LRCH3: variants seen among roughly 807,000 people sequenced by gnomAD.
LRCH3 encodes DISP complex protein LRCH3.
A neutral mutation model predicts 104.5 loss-of-function variants in LRCH3; 68 were observed. The ratio of observed to expected loss-of-function variants is 0.65; its 90% confidence interval spans 0.54 to 0.80. The LOEUF (loss-of-function observed/expected upper bound fraction) is 0.80. Ranked by LOEUF, LRCH3 falls within the 30% of genes least tolerant of loss-of-function variation. The pLI, the probability that LRCH3 is intolerant of heterozygous loss-of-function variation, is 0.00. For synonymous variants in LRCH3, 344 were observed against 361.3 expected (o/e 0.95, Z 0.54); for missense variants, 951 against 953.9 (o/e 1.00, Z 0.04).
chr3:197,828,680 A>T (rs1290856880), intron 5 of LRCH3, among the ~76,000 whole-genome samples: 1 of 131,216 alleles, frequency 7.6e-6, no homozygotes, highest in Non-Finnish European at 1.6e-5. Flanking sequence ...TTTATTGACG[A>T]TTTTGTACAA....
intron 1 of LRCH3, among the ~76,000 whole-genome samples, chr3:197,812,528 T>TTTTTTTTTTTTTTTTG (rs1733284471): frequency 1.4e-5 from 2 of 144,512 alleles, no homozygotes; most frequent in Non-Finnish European, 1.5e-5. Context: ...TTTTTTTTTT[T>TTTTTTTTTTTTTTTTG]TTAGGTGGAG....
At chr3:197,872,360 G>GAAA (rs56254857) in intron 19 of LRCH3, among the ~76,000 whole-genome samples, 1 of 105,388 alleles carries the variant, frequency 9.5e-6, no homozygotes, top group Non-Finnish European at 1.9e-5. Context: ...CTGTCTCAAA[G>GAAA]AAAAAAAAAA....
chr3:197,869,731 G>A (rs1302567904), intron 17 of LRCH3, among the ~76,000 whole-genome samples: 1 of 115,458 alleles, frequency 8.7e-6, no homozygotes, highest in African/African-American at 3.9e-5. Flanking sequence ...GGTAGAAAGC[G>A]ATGCACTGTA....
chr3:197,866,994 G>C (rs756841125), intron 17 of LRCH3, among the ~76,000 whole-genome samples: 2 of 152,114 alleles, frequency 1.3e-5, no homozygotes, highest in African/African-American at 2.4e-5. Flanking sequence ...ACAAAAAATG[G>C]CTGGGCACGG....
At chr3:197,798,811 G>A (rs533829251) in intron 1 of LRCH3, among the ~76,000 whole-genome samples, 6 of 152,302 alleles carry the variant, frequency 3.9e-5, no homozygotes, top group Admixed American at 3.3e-4. Context: ...TAGTATGGTA[G>A]CAACTAGCCG....
Position 197,819,454 on chromosome 3 carries a change from G to T in LRCH3, c.535-871G>T, listed in dbSNP as rs1055965476. Among the ~76,000 whole-genome samples the T allele has an allele frequency of 2.6e-5, 4 of 151,704 alleles. No homozygotes were observed. In the East Asian group the frequency reaches 7.8e-4, roughly 30 times the overall value. ...CTTCTGGCCGGGCACGGTGGCTCAT[G>T]CCTGTAATCGCAGCACTTTGGGAGG... On this transcript the variant is annotated intron_variant, in intron 3 of 20. Transcript: ENST00000425562.
chr3:197,879,537 T>C (rs910256722), intron 20 of LRCH3, among the ~76,000 whole-genome samples: 3 of 151,528 alleles, frequency 2.0e-5, no homozygotes, highest in East Asian at 1.9e-4. Context: ...TCCCAGCTGC[T>C]CGGGAGGCTG....
intron 5 of LRCH3, among the ~76,000 whole-genome samples, 149 bp from the exon 6 acceptor site, chr3:197,829,410 AATAAT>A (rs1463498296): frequency 1.3e-5 from 2 of 152,232 alleles, no homozygotes; most frequent in Non-Finnish European, 1.5e-5. Flanking sequence ...CACTTAACCA[AATAAT>A]ATAATTTATT....
intron 12 of LRCH3, chr3:197,850,386 T>G: frequency 1.7e-6 from 2 of 1,181,246 alleles, no homozygotes; most frequent in African/African-American, 1.5e-5. Context: ...ATTACATTTA[T>G]TTTAATGCTG....
chr3:197,851,205 A>G (rs1265268024), intron 12 of LRCH3, among the ~76,000 whole-genome samples: 1 of 152,232 alleles, frequency 6.6e-6, no homozygotes, highest in East Asian at 1.9e-4. Flanking sequence ...TGCATAAATT[A>G]ACTTACTCAG....
At chr3:197,865,314 T>C in intron 15 of LRCH3, 109 bp from the exon 16 acceptor site, 1 of 735,188 alleles carries the variant, frequency 1.4e-6, no homozygotes, top group Non-Finnish European at 2.2e-6. Context: ...GACTTAATCG[T>C]GAAGGAGAGT....
intron 10 of LRCH3, among the ~76,000 whole-genome samples, chr3:197,840,790 A>G (rs6792006): frequency 0.64 from 97,333 of 152,116 alleles, 32,983 homozygotes; most frequent in African/African-American, 0.88. Context: ...ATTAAATTTG[A>G]TATGCTTTGA....
chr3:197,833,267 C>T (rs1348878401), intron 8 of LRCH3, among the ~76,000 whole-genome samples: 1 of 144,716 alleles, frequency 6.9e-6, no homozygotes, highest in Non-Finnish European at 1.5e-5. Context: ...CGCCTGTAAT[C>T]CCAACACTTT....
chr3:197,882,022 T>G, intron 20 of LRCH3: 1 of 985,450 alleles, frequency 1.0e-6, no homozygotes, highest in Non-Finnish European at 1.2e-6. Flanking sequence ...GGGAATTGGG[T>G]TGGTTATATT....
intron 12 of LRCH3, chr3:197,848,281 A>G (rs959909448): frequency 4.8e-5 from 17 of 350,630 alleles, no homozygotes; most frequent in Admixed American, 9.1e-5. Flanking sequence ...CTAGTGTCAT[A>G]GTAAAGATCA....
At chr3:197,869,566 CAGGAGGTAGAAAG>C (rs1347446770) in intron 17 of LRCH3, among the ~76,000 whole-genome samples, 180 of 145,328 alleles carry the variant, frequency 1.2e-3, no homozygotes, top group African/African-American at 4.2e-3. Flanking sequence ...ACTGTACCTG[CAGGAGGTAGAAAG>C]CGATGCACTG....
intron 1 of LRCH3, among the ~76,000 whole-genome samples, chr3:197,792,559 C>A (rs1730651335): frequency 2.2e-5 from 1 of 46,134 alleles, no homozygotes; most frequent in Admixed American, 3.1e-4. Context: ...AGGCAGCCGC[C>A]ACCACGCCCA....
rs79702269 is a variant in LRCH3 at position 197,886,199 on chromosome 3, A to G, written c.*2533A>G. ...CAAAAATTAAAAAAAAAAAAAAAAA[A>G]CCAGGTGTGGTGGCACCTGCCTGTA... On this transcript the variant is annotated 3_prime_UTR_variant, in exon 21 of 21. Transcript: ENST00000425562. 1.4e-5 allele frequency: 2 copies of G among 145,160 alleles called. No individual in the cohort carries two copies. Among genetic ancestry groups the G allele is most frequent in the Non-Finnish European group, 3.0e-5 (2 of 66,372 alleles). The allele number at this position is 145,160 out of a possible 1,614,324, so 9.0% of individuals were successfully genotyped here. A position where few individuals can be genotyped will look rare whatever the true frequency, so the allele number is the denominator to read the frequency against.
At chr3:197,825,375 T>TA (rs771901250) in intron 4 of LRCH3, among the ~76,000 whole-genome samples, 19 of 150,190 alleles carry the variant, frequency 1.3e-4, no homozygotes, top group Admixed American at 2.6e-4. Context: ...TTTTTTTTTT[T>TA]AAATAATTTT....
Sources: gnomAD v4.1 joint callset for allele counts (sites outside exome capture counted in the v4.1 genomes callset) on GRCh38, gnomAD v4.1.1 for gene constraint, MANE v1.5 for transcripts, NCBI Gene and HGNC (gene_info 2026-07-23, HGNC 2026-07-21) for gene names.